The following CHCHD3 variants were observed in gnomAD, a reference collection of about 807,000 sequenced individuals.
CHCHD3 encodes the protein coiled-coil-helix-coiled-coil-helix domain containing 3.
Under a neutral mutation model 38.2 loss-of-function variants are expected in CHCHD3, and 20 were observed. The observed-to-expected ratio is 0.52, with a 90% CI of 0.37 to 0.76. CHCHD3 has a LOEUF of 0.76. Among genes scored for constraint, CHCHD3 ranks in the 30% least tolerant of loss-of-function variants. CHCHD3 has a pLI of 0.00. For missense variants in CHCHD3, 245 were observed against 279.2 expected, an observed-to-expected ratio of 0.88 and a Z score of 0.87; for synonymous variants, 82 against 100.0, an observed-to-expected ratio of 0.82 and a Z score of 1.07.
intron 5 of CHCHD3, among the ~76,000 whole-genome samples, chr7:132,865,727 C>T (rs1808605254): frequency 6.6e-6 from 1 of 152,076 alleles, no homozygotes. Context: ...TTCTAACGAG[C>T]AAAGGCAGCC....
At chr7:132,806,785 C>T (rs1464314623) in intron 6 of CHCHD3, among the ~76,000 whole-genome samples, 3 of 151,818 alleles carry the variant, frequency 2.0e-5, no homozygotes, top group Non-Finnish European at 2.9e-5. Context: ...CAGACCATGA[C>T]ATTCCCATCA....
intron 3 of CHCHD3, among the ~76,000 whole-genome samples, chr7:132,990,920 T>C (rs1812260388): frequency 6.9e-6 from 1 of 144,102 alleles, no homozygotes; most frequent in Non-Finnish European, 1.5e-5. Context: ...TGGATGTGAG[T>C]GGCCTTTCTG....
intron 6 of CHCHD3, chr7:132,815,453 C>A: frequency 2.6e-6 from 1 of 389,446 alleles, no homozygotes; most frequent in African/African-American, 2.1e-5. Context: ...GACATTTTAC[C>A]AGTTGTTCTT....
chr7:132,809,125 A>ATTTTTTTTT (rs35514520), intron 6 of CHCHD3, among the ~76,000 whole-genome samples: 1 of 131,506 alleles, frequency 7.6e-6, no homozygotes. Context: ...AATTTTTGTG[A>ATTTTTTTTT]TTTTTTTTTT....
At chr7:132,967,114 CA>C (rs1198492491) in intron 4 of CHCHD3, among the ~76,000 whole-genome samples, 2 of 152,170 alleles carry the variant, frequency 1.3e-5, no homozygotes, top group Non-Finnish European at 2.9e-5. Flanking sequence ...CACAGGACAC[CA>C]CTCAACAAGA....
At chr7:132,834,131 A>G (rs905978986) in intron 6 of CHCHD3, among the ~76,000 whole-genome samples, 1 of 151,888 alleles carries the variant, frequency 6.6e-6, no homozygotes, top group Non-Finnish European at 1.5e-5. Flanking sequence ...CAGGCGAAAA[A>G]CCCCTGTCAT....
intron 5 of CHCHD3, among the ~76,000 whole-genome samples, chr7:132,859,660 T>C (rs1808432786): frequency 6.6e-6 from 1 of 152,224 alleles, no homozygotes; most frequent in Non-Finnish European, 1.5e-5. Flanking sequence ...GATGGAGAAC[T>C]GCTTCCCTGG....
rs773629658 is a variant in CHCHD3 at position 132,983,985 on chromosome 7, C to CTCTCCCTCTCCCCACGG, written c.252-8716_252-8700dup. On this transcript the variant is annotated intron_variant, in intron 3 of 7. Transcript: ENST00000262570. ...AAGGCTCCTCCTCTCCCTCTCCCTC[C>CTCTCCCTCTCCCCACGG]TCTCCCTCTCCCCACGGTCTCCCTC... Among the ~76,000 whole-genome samples, 264 of 73,392 alleles carry CTCTCCCTCTCCCCACGG rather than the reference C, an allele frequency of 3.6e-3. 37 individuals are homozygous for CTCTCCCTCTCCCCACGG. Among genetic ancestry groups the CTCTCCCTCTCCCCACGG allele is most frequent in the African/African-American group, 4.5e-3 (80 of 17,690 alleles). 48.1% of individuals were successfully genotyped at this position (73,392 alleles called of 152,430 possible).
chr7:132,837,837 C>A (rs186166248), intron 6 of CHCHD3, among the ~76,000 whole-genome samples: 1 of 152,150 alleles, frequency 6.6e-6, no homozygotes, highest in Non-Finnish European at 1.5e-5. Context: ...CTATGGGACA[C>A]GGACACTTTG....
intron 4 of CHCHD3, among the ~76,000 whole-genome samples, chr7:132,945,415 A>G (rs1040837930): frequency 5.9e-5 from 9 of 152,026 alleles, no homozygotes; most frequent in African/African-American, 2.2e-4. Context: ...TTGTACATAT[A>G]TGTATAAACA....
intron 6 of CHCHD3, among the ~76,000 whole-genome samples, chr7:132,804,763 TG>T (rs1415893974): frequency 6.6e-6 from 1 of 152,208 alleles, no homozygotes; most frequent in Non-Finnish European, 1.5e-5. Flanking sequence ...AGATACACAC[TG>T]GAAGGACTGT....
rs1807884333 is a variant in CHCHD3 at position 132,839,520 on chromosome 7, T to A, written c.454-1051A>T. The stretch of plus-strand genomic sequence containing the variant: ...AAATATCCTGCAAAATGCACTGCAT[T>A]AAAAAACAACAACAACAAAACACCA... On this transcript the variant is annotated intron_variant, in intron 5 of 7. Transcript: ENST00000262570. Among the ~76,000 whole-genome samples, 5 of 152,172 alleles carry A rather than the reference T, an allele frequency of 3.3e-5. No individual in the cohort carries two copies. In the South Asian group the frequency reaches 8.3e-4, roughly 25 times the overall value.
intron 4 of CHCHD3, among the ~76,000 whole-genome samples, chr7:132,959,605 C>A (rs1410959718): frequency 6.6e-6 from 1 of 151,790 alleles, no homozygotes; most frequent in Non-Finnish European, 1.5e-5. Context: ...CACCTGTAAT[C>A]CCAGCTACTC....
intron 6 of CHCHD3, among the ~76,000 whole-genome samples, chr7:132,819,532 G>A (rs1022878760): frequency 6.6e-6 from 1 of 151,986 alleles, no homozygotes. Context: ...GATACTAATT[G>A]AGCACCTGTT....
chr7:132,844,965 G>A (rs1585566047), intron 5 of CHCHD3: 1 of 152,190 alleles, frequency 6.6e-6, no homozygotes, highest in East Asian at 1.9e-4. Context: ...CAAACTGTGT[G>A]GGGAGACTGA....
chr7:132,955,177 TG>T (rs1367056639), intron 4 of CHCHD3, among the ~76,000 whole-genome samples: 1 of 138,040 alleles, frequency 7.2e-6, no homozygotes, highest in African/African-American at 3.2e-5. Flanking sequence ...TCAGAGGGTG[TG>T]TGTGTGTGTG....
intron 6 of CHCHD3, among the ~76,000 whole-genome samples, chr7:132,812,534 T>C (rs1157639974): frequency 6.6e-6 from 1 of 152,124 alleles, no homozygotes; most frequent in African/African-American, 2.4e-5. Context: ...TGTATTTCCA[T>C]TGCCATTATC....
At position 132,887,083 on chromosome 7, in the gene CHCHD3, T is replaced by A. The variant is rs894865185; in HGVS notation, c.370-1338A>T. 9 of 601,560 alleles carry A rather than the reference T, an allele frequency of 1.5e-5. No individual in the cohort carries two copies. The Admixed American group carries it at 4.0e-4, about 27-fold the overall frequency. 37.3% of individuals were successfully genotyped at this position (601,560 alleles called of 1,614,324 possible). A position where few individuals can be genotyped will look rare whatever the true frequency, so the allele number is the denominator to read the frequency against. On this transcript the variant is annotated intron_variant, in intron 4 of 7. Coordinates refer to ENST00000262570, the MANE Select transcript of CHCHD3 (RefSeq NM_017812.4). ...CACACACAAAATCTGATGGATAATA[T>A]TTAAAATGCAAGCCAAAGAAGGTAA...
intron 1 of CHCHD3, among the ~76,000 whole-genome samples, chr7:133,074,387 A>G (rs1477838742): frequency 1.3e-5 from 2 of 152,240 alleles, no homozygotes; most frequent in African/African-American, 4.8e-5. Flanking sequence ...AGACAAGAAG[A>G]CTTTCTATTT....
Sources: gnomAD v4.1 joint callset for allele counts (sites outside exome capture counted in the v4.1 genomes callset) on GRCh38, gnomAD v4.1.1 for gene constraint, MANE v1.5 for transcripts, NCBI Gene and HGNC (gene_info 2026-07-23, HGNC 2026-07-21) for gene names.